PFKFB1: variants seen among roughly 807,000 people sequenced by gnomAD.
PFKFB1 encodes the protein 6-phosphofructo-2-kinase/fructose-2,6-biphosphatase 1.
PFKFB1 carries 34 observed loss-of-function variants against 46.4 expected under a neutral mutation model. That is an observed-to-expected ratio of 0.73 (90% CI 0.56 to 0.98). The LOEUF is 0.98. Ranked by LOEUF, PFKFB1 falls within the 50% of genes least tolerant of loss-of-function variation. The probability of loss-of-function intolerance (pLI) is 0.00; values close to 1 mark genes in which losing one functional copy is unlikely to be tolerated. For missense variants in PFKFB1, 393 were observed against 376.3 expected (o/e 1.04, Z -0.37); for synonymous variants, 119 against 133.8 (o/e 0.89, Z 0.76).
At chrX:54,969,412 G>A (rs192638203) in intron 1 of PFKFB1, among the ~76,000 whole-genome samples, 32 of 111,609 alleles carry the variant, frequency 2.9e-4, no homozygotes, top group Non-Finnish European at 6.0e-4. Flanking sequence ...GCAGCAAGAA[G>A]GCCCTCACCA....
At chrX:54,964,233 G>T (rs1331959750) in intron 1 of PFKFB1, among the ~76,000 whole-genome samples, 1 of 110,647 alleles carries the variant, frequency 9.0e-6, no homozygotes, top group African/African-American at 3.3e-5. Context: ...ACTTGTGAAG[G>T]TCATACCTCC....
At chrX:54,961,383 C>T (rs1454251683) in intron 2 of PFKFB1, among the ~76,000 whole-genome samples, 1 of 111,175 alleles carries the variant, frequency 9.0e-6, no homozygotes, top group Non-Finnish European at 1.9e-5. Flanking sequence ...GACCTCCTGA[C>T]TTCTAGTCCA....
chrX:54,951,098 A>T (rs1293136479), intron 8 of PFKFB1, among the ~76,000 whole-genome samples: 8 of 112,856 alleles, frequency 7.1e-5, no homozygotes, highest in Non-Finnish European at 1.9e-5. Context: ...CCTGCACTTC[A>T]TTTCCCACCT....
At position 54,933,472 on chromosome X, in the gene PFKFB1, G is replaced by C. The variant is rs1057449420; in HGVS notation, c.1357-10C>G. 8.4e-7 allele frequency: 1 copy of C among 1,193,404 alleles called. No individual in the cohort carries two copies. Among genetic ancestry groups the C allele is most frequent in the Non-Finnish European group, 1.1e-6 (1 of 880,436 alleles). On this transcript the variant is annotated splice_polypyrimidine_tract_variant and intron_variant, in intron 13 of 13. Coordinates refer to ENST00000375006, the MANE Select transcript of PFKFB1 (RefSeq NM_002625.4). ...GGGTGATGTCCACATTCTGAGGAGA[G>C]AGCGCAGGATTAATAGGAAGGAGAC... is the stretch of plus-strand genomic sequence containing the variant.
At chrX:54,958,596 G>C (rs1189181287) in intron 5 of PFKFB1, among the ~76,000 whole-genome samples, 3 of 110,593 alleles carry the variant, frequency 2.7e-5, no homozygotes, top group Non-Finnish European at 5.7e-5. Context: ...TCTTATATAA[G>C]TTTTTTGTAG....
Position 54,972,778 on chromosome X carries a change from A to G in PFKFB1, c.98-9396T>C, listed in dbSNP as rs747515671. Among the ~76,000 whole-genome samples the G allele has an allele frequency of 2.7e-5, 3 of 111,583 alleles. No individual in the cohort carries two copies. The South Asian group carries it at 1.1e-3, about 42-fold the overall frequency. ...AGGATTTTTGCATCAATGTTCATCA[A>G]GGATATTGATCTAAAATTCTCTTTT... On this transcript the variant is annotated intron_variant, in intron 1 of 13. Coordinates refer to ENST00000375006, the MANE Select transcript of PFKFB1 (RefSeq NM_002625.4).
chrX:54,938,135 C>T (rs1173386390), intron 10 of PFKFB1, among the ~76,000 whole-genome samples: 1 of 112,122 alleles, frequency 8.9e-6, no homozygotes, highest in Non-Finnish European at 1.9e-5. Context: ...ATTTGCCAAT[C>T]ATAGTAACTA....
chrX:54,934,819 A>AAGGGAACCTCCTGCAGGACACCCACCC, intron 12 of PFKFB1, 128 bp downstream of exon 12: 1 of 502,268 alleles, frequency 2.0e-6, no homozygotes, highest in Non-Finnish European at 3.6e-6. Flanking sequence ...ACCACCCACT[A>AAGGGAACCTCCTGCAGGACACCCACCC]AGGGAACCTC....
chrX:54,952,406 T>C (rs1934014733), intron 7 of PFKFB1, among the ~76,000 whole-genome samples: 1 of 111,340 alleles, frequency 9.0e-6, no homozygotes, highest in Non-Finnish European at 1.9e-5. Flanking sequence ...AGCTGGGTTC[T>C]CTCTTCTGTG....
At chrX:54,934,306 C>T (rs977945770) in intron 12 of PFKFB1, among the ~76,000 whole-genome samples, 3 of 111,783 alleles carry the variant, frequency 2.7e-5, no homozygotes, top group South Asian at 7.5e-4. Context: ...CTGCCTTGGG[C>T]GATCAGTGCC....
intron 7 of PFKFB1, 139 bp downstream of exon 7, chrX:54,956,014 A>G (rs1934122456): frequency 2.2e-6 from 1 of 445,107 alleles, no homozygotes; most frequent in African/African-American, 2.5e-5. Flanking sequence ...TCCTTGAAGA[A>G]AGATCATCAA....
At chrX:54,949,045 C>T in intron 9 of PFKFB1, 30 bp downstream of exon 9, 1 of 1,204,759 alleles carries the variant, frequency 8.3e-7, no homozygotes, top group Non-Finnish European at 1.1e-6. Context: ...GTCACCCCCA[C>T]ACACAGGAGA....
intron 1 of PFKFB1, among the ~76,000 whole-genome samples, chrX:54,969,235 A>G (rs1389341157): frequency 1.8e-5 from 2 of 111,952 alleles, no homozygotes; most frequent in Non-Finnish European, 3.8e-5. Flanking sequence ...TCATGAATAG[A>G]GGCTTCTTCC....
In PFKFB1 at chrX:54,956,145, G is replaced by A. The variant is rs1372147820; in HGVS notation, c.638+8C>T. 3.5e-6 allele frequency: 4 copies of A among 1,158,824 alleles called. No individual in the cohort carries two copies. The Admixed American group carries it at 6.6e-5, about 19-fold the overall frequency. On this transcript the variant is annotated splice_region_variant and intron_variant, in intron 7 of 13. Transcript: ENST00000375006. ...TCTAGACCTTGACTTTGGGGTGCTG[G>A]CTCTTACCTGTCCAGTTCCTCATCC...
At chrX:54,974,750 C>G (rs764672537) in intron 1 of PFKFB1, among the ~76,000 whole-genome samples, 1 of 110,778 alleles carries the variant, frequency 9.0e-6, no homozygotes, top group South Asian at 3.7e-4. Flanking sequence ...CTCAAAACAA[C>G]TCAGCAAGAA....
At chrX:54,938,398 T>C (rs770125422) in intron 10 of PFKFB1, among the ~76,000 whole-genome samples, 3 of 111,867 alleles carry the variant, frequency 2.7e-5, no homozygotes, top group Non-Finnish European at 5.6e-5. Context: ...ATAACAATAT[T>C]AACCTTAAAT....
Position 54,933,243 on chromosome X carries a change from C to A in PFKFB1, c.*160G>T. The A allele has an allele frequency of 2.2e-6, 1 of 463,878 alleles. No individual in the cohort carries two copies. The allele number at this position is 463,878 out of a possible 1,213,427, so 38.2% of individuals were successfully genotyped here. Reference sequence around the variant, plus strand: ...CCAGAGCTAGATAGCTCCTTGGTTGCGGCCAGCAAGCGAGGCTTGTTTGGG... The same window carrying A: ...CCAGAGCTAGATAGCTCCTTGGTTGAGGCCAGCAAGCGAGGCTTGTTTGGG... On this transcript the variant is annotated 3_prime_UTR_variant, in exon 14 of 14. Coordinates refer to ENST00000375006, the MANE Select transcript of PFKFB1 (RefSeq NM_002625.4).
Position 54,958,484 on chromosome X carries a change from C to T in PFKFB1, c.460-122G>A. The stretch of plus-strand genomic sequence containing the variant: ...CAGGGGCATCTCTGACAACATAATG[C>T]TCTCATACAGTGGTACTTCCAGGCT... On this transcript the variant is annotated intron_variant, in intron 5 of 13. Transcript: ENST00000375006. 1.1e-5 allele frequency: 5 copies of T among 474,907 alleles called. No individual in the cohort carries two copies. The South Asian group carries it at 1.1e-4, about 10-fold the overall frequency. The allele number at this position is 474,907 out of a possible 1,213,427, so 39.1% of individuals were successfully genotyped here. A position where few individuals can be genotyped will look rare whatever the true frequency, so the allele number is the denominator to read the frequency against.
upstream of PFKFB1, among the ~76,000 whole-genome samples, chrX:54,996,117 T>C (rs1469071695): frequency 8.9e-6 from 1 of 112,380 alleles, no homozygotes; most frequent in African/African-American, 3.2e-5. Flanking sequence ...CAAACAAGCC[T>C]GATCTAAGAA....
Sources: allele counts gnomAD v4.1 joint callset (sites outside exome capture counted in the v4.1 genomes callset), GRCh38; gene constraint gnomAD v4.1.1; transcripts MANE v1.5; gene names NCBI Gene and HGNC (gene_info 2026-07-23, HGNC 2026-07-21).